Variants in MSI2 observed in about 807,000 individuals in gnomAD.
MSI2 encodes the protein RNA-binding protein Musashi homolog 2.
MSI2 carries 17 observed loss-of-function variants against 45.6 expected under a neutral mutation model. The ratio of observed to expected loss-of-function variants is 0.37; its 90% CI spans 0.26 to 0.56. The LOEUF (loss-of-function observed/expected upper bound fraction) is 0.56. Among genes scored for constraint, MSI2 ranks in the 20% least tolerant of loss-of-function variants. MSI2 has a pLI of 0.77. For synonymous variants in MSI2, 156 were observed against 158.2 expected (o/e 0.99, Z 0.11); for missense variants, 293 against 444.2 (o/e 0.66, Z 3.06).
At chr17:57,545,168 C>T (rs545966244) in intron 7 of MSI2, among the ~76,000 whole-genome samples, 1 of 151,816 alleles carries the variant, frequency 6.6e-6, no homozygotes, top group African/African-American at 2.4e-5. Context: ...TCTGGAGGCC[C>T]CCCCGTTTTT....
At chr17:57,349,812 A>C (rs754610526) in intron 5 of MSI2, among the ~76,000 whole-genome samples, 12 of 152,282 alleles carry the variant, frequency 7.9e-5, no homozygotes, top group Non-Finnish European at 1.8e-4. Flanking sequence ...GATACACTTC[A>C]AAATTTTTTC....
chr17:57,542,141 T>G (rs1382357338), intron 7 of MSI2, among the ~76,000 whole-genome samples: 1 of 152,002 alleles, frequency 6.6e-6, no homozygotes, highest in Non-Finnish European at 1.5e-5. Context: ...AGCCCTGGGC[T>G]CCCTCCCACT....
intron 5 of MSI2, among the ~76,000 whole-genome samples, chr17:57,361,449 A>T (rs755263969): frequency 4.0e-5 from 6 of 151,876 alleles, no homozygotes; most frequent in Admixed American, 2.0e-4. Flanking sequence ...AAAATAAAAA[A>T]AAAAAAATTA....
chr17:57,413,312 C>T lies in MSI2; in HGVS notation c.405+11841C>T, dbSNP rs544961776. ...TTCCTGCATCTTCTGAGCATAAAGA[C>T]GACGATTCAGTTTTATGCAATTTTG... is the stretch of plus-strand genomic sequence containing the variant. On this transcript the variant is annotated intron_variant, in intron 6 of 13. Transcript: ENST00000284073. Among the ~76,000 whole-genome samples, 16 of 152,300 alleles carry T rather than the reference C, an allele frequency of 1.1e-4. No homozygotes were observed. The East Asian group carries it at 2.5e-3, about 24-fold the overall frequency.
chr17:57,553,677 G>A (rs763416679), intron 7 of MSI2, among the ~76,000 whole-genome samples: 1 of 152,204 alleles, frequency 6.6e-6, no homozygotes, highest in African/African-American at 2.4e-5. Flanking sequence ...AGAGAGGAGG[G>A]TGCACGGGCA....
At chr17:57,528,405 T>C (rs1376914981) in intron 6 of MSI2, among the ~76,000 whole-genome samples, 2 of 152,120 alleles carry the variant, frequency 1.3e-5, no homozygotes, top group Non-Finnish European at 2.9e-5. Context: ...CAGAAGGGGT[T>C]ACAGGATGCG....
chr17:57,354,265 T>G (rs2143858284), intron 5 of MSI2, among the ~76,000 whole-genome samples: 1 of 152,138 alleles, frequency 6.6e-6, no homozygotes, highest in African/African-American at 2.4e-5. Context: ...ATAGCTCTGG[T>G]GATGTTAGTT....
chr17:57,575,284 T>C (rs1220766766), intron 7 of MSI2, among the ~76,000 whole-genome samples: 1 of 151,954 alleles, frequency 6.6e-6, no homozygotes, highest in Non-Finnish European at 1.5e-5. Flanking sequence ...GCCTGGCTTA[T>C]AGTTTCTGTG....
chr17:57,393,330 A>G (rs1014748725), intron 5 of MSI2, among the ~76,000 whole-genome samples: 5 of 152,222 alleles, frequency 3.3e-5, no homozygotes, highest in African/African-American at 1.2e-4. Context: ...GAAATCTGAA[A>G]CACTTCCGGT....
At chr17:57,381,649 T>C (rs1037502324) in intron 5 of MSI2, among the ~76,000 whole-genome samples, 13 of 152,264 alleles carry the variant, frequency 8.5e-5, no homozygotes, top group African/African-American at 2.9e-4. Flanking sequence ...CACGTGGGCA[T>C]GGAGCACTTG....
intron 7 of MSI2, among the ~76,000 whole-genome samples, chr17:57,542,841 G>A (rs748366853): frequency 1.1e-4 from 17 of 152,316 alleles, no homozygotes; most frequent in South Asian, 2.1e-4. Flanking sequence ...GGGGCCCTTC[G>A]TGGGTGACTA....
intron 6 of MSI2, among the ~76,000 whole-genome samples, chr17:57,527,338 A>G (rs2086724147): frequency 6.8e-6 from 1 of 146,694 alleles, no homozygotes; most frequent in South Asian, 2.3e-4. Context: ...ATATGCTCAT[A>G]TCACCATATG....
chr17:57,357,728 G>A (rs777718393), intron 5 of MSI2, among the ~76,000 whole-genome samples: 4 of 152,160 alleles, frequency 2.6e-5, no homozygotes, highest in South Asian at 2.1e-4. Flanking sequence ...TGTATGTGTC[G>A]TTCTTGATCC....
At chr17:57,501,929 C>T (rs2086115276) in intron 6 of MSI2, among the ~76,000 whole-genome samples, 1 of 152,174 alleles carries the variant, frequency 6.6e-6, no homozygotes, top group South Asian at 2.1e-4. Flanking sequence ...ATTTTTGAAA[C>T]TTATAGTAGA....
intron 5 of MSI2, among the ~76,000 whole-genome samples, chr17:57,357,077 G>C (rs1427199094): frequency 6.6e-6 from 1 of 152,138 alleles, no homozygotes; most frequent in African/African-American, 2.4e-5. Context: ...CATCTTGTGT[G>C]CTCGAGAGCT....
chr17:57,536,556 C>G (rs2086924613), intron 7 of MSI2, among the ~76,000 whole-genome samples: 1 of 152,194 alleles, frequency 6.6e-6, no homozygotes, highest in Non-Finnish European at 1.5e-5. Flanking sequence ...TTCCCCACCT[C>G]TCAAATCTGC....
chr17:57,442,717 G>A (rs765193355), intron 6 of MSI2, among the ~76,000 whole-genome samples: 1 of 152,214 alleles, frequency 6.6e-6, no homozygotes, highest in Non-Finnish European at 1.5e-5. Flanking sequence ...AGGGGTGGGA[G>A]CGAGGGAGGC....
At chr17:57,267,613 C>T (rs1319909625) in intron 5 of MSI2, 1 of 151,578 alleles carries the variant, frequency 6.6e-6, no homozygotes, top group East Asian at 1.9e-4. Context: ...CCGAAAACCC[C>T]GAGAACACAC....
chr17:57,495,615 G>A (rs2085964744), intron 6 of MSI2, among the ~76,000 whole-genome samples: 1 of 149,412 alleles, frequency 6.7e-6, no homozygotes, highest in Non-Finnish European at 1.5e-5. Context: ...CTTGATATCA[G>A]TCTCCATGTC....
Sources: gnomAD v4.1 joint callset for allele counts (sites outside exome capture counted in the v4.1 genomes callset) on GRCh38, gnomAD v4.1.1 for gene constraint, MANE v1.5 for transcripts, NCBI Gene and HGNC (gene_info 2026-07-23, HGNC 2026-07-21) for gene names.